MRPS35: variants seen among roughly 807,000 people sequenced by gnomAD.
The protein encoded by MRPS35 is mitochondrial ribosomal protein S35.
A neutral mutation model predicts 32.7 loss-of-function variants in MRPS35; 29 were observed. The ratio of observed to expected loss-of-function variants is 0.89; its 90% CI spans 0.66 to 1.21. MRPS35 has a LOEUF of 1.21. Among genes scored for constraint, MRPS35 ranks in the 50% most tolerant of loss-of-function variants. MRPS35 has a pLI of 0.00. For missense variants in MRPS35, 373 were observed against 383.8 expected, an observed-to-expected ratio of 0.97 and a Z score of 0.23; for synonymous variants, 148 against 139.3, an observed-to-expected ratio of 1.06 and a Z score of -0.44.
chr12:27,741,633 TAACAC>T (rs1446891441), intron 7 of MRPS35, among the ~76,000 whole-genome samples: 2 of 152,334 alleles, frequency 1.3e-5, no homozygotes, highest in East Asian at 3.9e-4. Flanking sequence ...TAATTGATGA[TAACAC>T]AACTTCCTTA....
Position 27,742,415 on chromosome 12 carries a change from G to A in MRPS35, c.702+4807G>A, listed in dbSNP as rs114735654. Among the ~76,000 whole-genome samples the A allele has an allele frequency of 4.1e-3, 628 of 152,272 alleles. 5 individuals carry two copies. Among genetic ancestry groups the A allele is most frequent in the African/African-American group, 0.014 (595 of 41,562 alleles). On this transcript the variant is annotated intron_variant, in intron 7 of 7. Coordinates refer to ENST00000081029, the MANE Select transcript of MRPS35 (RefSeq NM_021821.4). The stretch of plus-strand genomic sequence containing the variant: ...GCCTTAGGTACCTTGATTTCTGGAG[G>A]GAAACCGTTGGTTATAATATAATCT...
At chr12:27,746,383 A>G (rs2061982071) in intron 7 of MRPS35, among the ~76,000 whole-genome samples, 1 of 152,212 alleles carries the variant, frequency 6.6e-6, no homozygotes, top group Non-Finnish European at 1.5e-5. Context: ...TGGAATGCTC[A>G]ACCAGTCAGT....
chr12:27,719,636 G>A (rs12228426), intron 3 of MRPS35, among the ~76,000 whole-genome samples, 172 bp from the exon 4 acceptor site: 10,116 of 149,056 alleles, frequency 0.068, 532 homozygotes, highest in South Asian at 0.16. Context: ...ACTGCAGTCC[G>A]CAGTCCGGCC....
chr12:27,742,010 C>G (rs1234883280), intron 7 of MRPS35, among the ~76,000 whole-genome samples: 1 of 152,156 alleles, frequency 6.6e-6, no homozygotes, highest in African/African-American at 2.4e-5. Context: ...TTCCTGTAGT[C>G]CCAGTTTCTC....
chr12:27,722,141 A>G (rs1049602009), intron 4 of MRPS35, among the ~76,000 whole-genome samples: 3 of 152,244 alleles, frequency 2.0e-5, no homozygotes, highest in Non-Finnish European at 4.4e-5. Context: ...TTCCTTAATT[A>G]TCCCTTTACA....
chr12:27,754,336 T>G, intron 7 of MRPS35, among the ~76,000 whole-genome samples: 1 of 152,172 alleles, frequency 6.6e-6, no homozygotes, highest in Non-Finnish European at 1.5e-5. Context: ...ATTCTTAATT[T>G]TATTTTAATA....
At chr12:27,736,236 G>A (rs1206151775) in intron 6 of MRPS35, among the ~76,000 whole-genome samples, 1 of 152,166 alleles carries the variant, frequency 6.6e-6, no homozygotes, top group African/African-American at 2.4e-5. Context: ...ATTTGGAGGT[G>A]TCAGTATCGA....
chr12:27,749,057 G>C (rs2061991023), intron 7 of MRPS35, among the ~76,000 whole-genome samples: 2 of 152,008 alleles, frequency 1.3e-5, no homozygotes, highest in South Asian at 4.2e-4. Context: ...ATCATAGCAG[G>C]GTTTTAAAAA....
intron 7 of MRPS35, among the ~76,000 whole-genome samples, chr12:27,753,154 G>C (rs1157477621): frequency 6.6e-6 from 1 of 152,064 alleles, no homozygotes; most frequent in Non-Finnish European, 1.5e-5. Context: ...ATTTATTACA[G>C]GGAGGTGGGG....
intron 7 of MRPS35, among the ~76,000 whole-genome samples, chr12:27,741,792 A>G (rs1182872436): frequency 6.6e-6 from 1 of 152,236 alleles, no homozygotes; most frequent in Non-Finnish European, 1.5e-5. Flanking sequence ...TGCTTTAGAA[A>G]AGTTAGAGAT....
intron 7 of MRPS35, among the ~76,000 whole-genome samples, chr12:27,748,474 C>A: frequency 1.0e-5 from 1 of 98,932 alleles, no homozygotes; most frequent in African/African-American, 3.8e-5. Context: ...TGTGTGTGAT[C>A]CATATTTATA....
chr12:27,725,175 A>G (rs1280800906), intron 5 of MRPS35, among the ~76,000 whole-genome samples: 1 of 152,160 alleles, frequency 6.6e-6, no homozygotes, highest in African/African-American at 2.4e-5. Flanking sequence ...TCCGCCTCCC[A>G]AAGCACTGGA....
chr12:27,714,762 G>A lies in MRPS35; in HGVS notation c.113-18G>A. The A allele has an allele frequency of 2.5e-6, 4 of 1,598,158 alleles. No homozygotes were observed. Among genetic ancestry groups the A allele is most frequent in the Non-Finnish European group, 3.4e-6 (4 of 1,167,600 alleles). ...TGATAAAATTCTCTTTAACTACTGT[G>A]TTATCTTTTACGTACAGCGGAAAGA... On this transcript the variant is annotated intron_variant, in intron 1 of 7. Coordinates refer to ENST00000081029, the MANE Select transcript of MRPS35 (RefSeq NM_021821.4).
In MRPS35 at chr12:27,716,240, A is replaced by T. The variant is rs540099893; in HGVS notation, c.154-51A>T. The T allele has an allele frequency of 1.6e-5, 23 of 1,404,856 alleles. No homozygotes were observed. In the South Asian group the frequency reaches 3.6e-4, roughly 22 times the overall value. 87.0% of individuals were successfully genotyped at this position (1,404,856 alleles called of 1,614,324 possible). On this transcript the variant is annotated intron_variant, in intron 2 of 7. Coordinates refer to ENST00000081029, the MANE Select transcript of MRPS35 (RefSeq NM_021821.4). The stretch of plus-strand genomic sequence containing the variant: ...GCTTTAAAATTAAAATTCTTTAAGA[A>T]TTAAAGAATGTGTTTATATTTAAAA...
intron 4 of MRPS35, among the ~76,000 whole-genome samples, chr12:27,720,972 G>A (rs7962732): frequency 0.056 from 8,464 of 151,938 alleles, 784 homozygotes; most frequent in African/African-American, 0.19. Context: ...GGTACCTTTG[G>A]ATAAAGTCTT....
chr12:27,738,102 T>C (rs998306518), intron 7 of MRPS35, among the ~76,000 whole-genome samples: 3 of 152,210 alleles, frequency 2.0e-5, no homozygotes, highest in Non-Finnish European at 2.9e-5. Context: ...GAGTATTCTT[T>C]TTCCAAAATG....
chr12:27,738,859 TACA>T (rs1277713188), intron 7 of MRPS35, among the ~76,000 whole-genome samples: 2 of 150,566 alleles, frequency 1.3e-5, no homozygotes, highest in African/African-American at 2.4e-5. Context: ...CTCTTAGAGA[TACA>T]ACAAGGTAGC....
chr12:27,724,432 A>G (rs997700177), intron 5 of MRPS35, among the ~76,000 whole-genome samples: 3 of 151,938 alleles, frequency 2.0e-5, no homozygotes, highest in Admixed American at 6.6e-5. Context: ...TTTCACAGAA[A>G]TTTTGGAAAA....
chr12:27,743,486 C>CTG (rs2061971501), intron 7 of MRPS35, among the ~76,000 whole-genome samples: 1 of 152,064 alleles, frequency 6.6e-6, no homozygotes, highest in African/African-American at 2.4e-5. Flanking sequence ...CGAGATGGCG[C>CTG]CACTGCACTC....
Sources: allele counts gnomAD v4.1 joint callset (sites outside exome capture counted in the v4.1 genomes callset), GRCh38; gene constraint gnomAD v4.1.1; transcripts MANE v1.5; gene names NCBI Gene and HGNC (gene_info 2026-07-23, HGNC 2026-07-21).